Variants in CPLANE1 observed in about 807,000 individuals in gnomAD.
CPLANE1 encodes the protein ciliogenesis and planar polarity effector 1.
In CPLANE1, 263 loss-of-function variants were observed where a neutral mutation model predicts 362.5. That is an observed-to-expected ratio of 0.73 (90% CI 0.66 to 0.80). The LOEUF is 0.80. Among genes scored for constraint, CPLANE1 ranks in the 30% least tolerant of loss-of-function variants. The probability of loss-of-function intolerance (pLI) is 0.00; values close to 1 mark genes in which losing one functional copy is unlikely to be tolerated. For missense variants in CPLANE1, 3,461 were observed against 3,793.4 expected (o/e 0.91, Z 2.30); for synonymous variants, 1,212 against 1,302.6 (o/e 0.93, Z 1.50).
At chr5:37,207,516 T>C (rs1367092039) in intron 16 of CPLANE1, among the ~76,000 whole-genome samples, 1 of 152,198 alleles carries the variant, frequency 6.6e-6, no homozygotes, top group Non-Finnish European at 1.5e-5. Context: ...AGTAAAAAAG[T>C]TCACGACCTT....
chr5:37,163,685 C>T (rs747793519), intron 37 of CPLANE1, among the ~76,000 whole-genome samples: 24 of 152,138 alleles, frequency 1.6e-4, no homozygotes, highest in Non-Finnish European at 2.9e-4. Flanking sequence ...TTATTTCTAA[C>T]GAGCCCCTTT....
intron 51 of CPLANE1, among the ~76,000 whole-genome samples, chr5:37,114,169 T>C (rs1005041143): frequency 1.3e-5 from 2 of 152,184 alleles, no homozygotes; most frequent in African/African-American, 4.8e-5. Flanking sequence ...TTTCTTTCAA[T>C]GGGGATAACT....
At chr5:37,229,166 G>A (rs1262476210) in intron 9 of CPLANE1, among the ~76,000 whole-genome samples, 2 of 143,852 alleles carry the variant, frequency 1.4e-5, no homozygotes, top group African/African-American at 2.6e-5. Context: ...GCAGTAAGCC[G>A]AGATCACACC....
rs1389359037 is a variant in CPLANE1 at position 37,148,271 on chromosome 5, G to A, written c.8374-3C>T. On this transcript the variant is annotated splice_polypyrimidine_tract_variant and splice_region_variant and intron_variant, in intron 42 of 52. Transcript: ENST00000651892. ...TCAATGTGATCCACTGGTCCAATCTGTAGAAAAAACACACACAACAAAACA... is the reference window on the plus strand; with the variant it reads ...TCAATGTGATCCACTGGTCCAATCTATAGAAAAAACACACACAACAAAACA... The A allele has an allele frequency of 1.9e-6, 3 of 1,593,284 alleles. No individual in the cohort carries two copies. The African/African-American group carries it at 4.0e-5, about 21-fold the overall frequency.
rs772157342 is a variant in CPLANE1, at chr5:37,182,751, T to C, written c.5421+9A>G. The C allele has an allele frequency of 7.9e-6, 12 of 1,522,344 alleles. No individual in the cohort carries two copies. The East Asian group carries it at 1.4e-4, about 17-fold the overall frequency. 94.3% of individuals were successfully genotyped at this position (1,522,344 alleles called of 1,614,324 possible). A position where few individuals can be genotyped will look rare whatever the true frequency, so the allele number is the denominator to read the frequency against. ...TCATTTGTAAGTAATAAACAATTGA[T>C]ATGCTTACCTTAATAATGGCATTTT... On this transcript the variant is annotated intron_variant, in intron 26 of 52. Transcript: ENST00000651892.
In CPLANE1 at chr5:37,208,938, A is replaced by G. The variant is rs547865069; in HGVS notation, c.2921-2513T>C. 4.8e-3 allele frequency among the ~76,000 whole-genome samples: 520 copies of G among 108,096 alleles called. 1 individual carries two copies. Among genetic ancestry groups the G allele is most frequent in the Non-Finnish European group, 5.9e-3 (313 of 53,410 alleles). The allele number at this position is 108,096 out of a possible 152,430, so 70.9% of individuals were successfully genotyped here. A position where few individuals can be genotyped will look rare whatever the true frequency, so the allele number is the denominator to read the frequency against. On this transcript the variant is annotated intron_variant, in intron 16 of 52. Coordinates refer to ENST00000651892, the MANE Select transcript of CPLANE1 (RefSeq NM_001384732.1). ...TTAGGATAAATCTGTTTCACAGATG[A>G]AAAAAAAAAAGAAAAGAAAAAAAGA...
chr5:37,152,025 T>C (rs1015216383), intron 42 of CPLANE1, among the ~76,000 whole-genome samples: 1 of 152,256 alleles, frequency 6.6e-6, no homozygotes, highest in Non-Finnish European at 1.5e-5. Context: ...ATGTGTTAAA[T>C]GTTTGGATTA....
chr5:37,157,233 G>T, intron 41 of CPLANE1, 80 bp downstream of exon 41: 1 of 778,186 alleles, frequency 1.3e-6, no homozygotes, highest in Admixed American at 2.4e-5. Context: ...GGTTTCTTTT[G>T]CAATTACCAA....
intron 23 of CPLANE1, among the ~76,000 whole-genome samples, chr5:37,187,078 A>C (rs1784284221): frequency 1.3e-5 from 2 of 149,966 alleles, no homozygotes; most frequent in African/African-American, 4.9e-5. Flanking sequence ...AAAAAAAAAA[A>C]AAAAAAAAAC....
chr5:37,124,481 T>C (rs562152240), intron 47 of CPLANE1, among the ~76,000 whole-genome samples: 1 of 152,196 alleles, frequency 6.6e-6, no homozygotes, highest in African/African-American at 2.4e-5. Flanking sequence ...GATACATGAC[T>C]GGACAATAAT....
the CPLANE1 span, among the ~76,000 whole-genome samples, chr5:37,095,386 C>A: frequency 2.0e-5 from 3 of 152,326 alleles, no homozygotes; most frequent in Admixed American, 2.0e-4. Flanking sequence ...CCCAGCATCA[C>A]TTTTTGATTA....
intron 42 of CPLANE1, among the ~76,000 whole-genome samples, chr5:37,149,218 G>A (rs148955280): frequency 1.1e-4 from 17 of 152,136 alleles, no homozygotes; most frequent in Non-Finnish European, 1.3e-4. Flanking sequence ...GGGTAGTACC[G>A]AACCTTATAT....
In CPLANE1 at chr5:37,206,300, G is replaced by C; in HGVS notation, c.3046C>G (p.Pro1016Ala). ...LELLFIGGLV[P>A]EAVWLAYKLG... The stretch of plus-strand genomic sequence containing the variant: ...TTATATGCCAACCACACAGCCTCTG[G>C]AACCAGGCCACCAATAAATAGTAAT... The change falls in exon 17 of 53, where the codon CCA becomes GCA. Residue 1016 changes from proline to alanine, a missense_variant. By Grantham distance (27) the Pro-to-Ala change is conservative. Transcript: ENST00000651892. The C allele has an allele frequency of 6.4e-7, 1 of 1,551,614 alleles. No individual in the cohort carries two copies. Among genetic ancestry groups the C allele is most frequent in the Non-Finnish European group, 8.7e-7 (1 of 1,146,948 alleles).
chr5:37,226,369 C>T lies in CPLANE1; in HGVS notation c.2226G>A (p.Trp742Ter). Residue 742 changes from tryptophan to a stop codon, truncating the protein, a stop_gained, in exon 12 of 53, where the codon TGG (tryptophan) becomes TGA (stop). Transcript: ENST00000651892. LOFTEE classifies it high-confidence loss of function. ...GAATCTTGAAAAATGAGTTCCAAGA[C>T]CAGTTTTTCTGAAAACCACTATCTT... is the stretch of plus-strand genomic sequence containing the variant. ...MFQDSGFQKN[W>*]SWNSFFKIHP... 1 of 1,548,426 alleles carries T rather than the reference C, an allele frequency of 6.5e-7. No homozygotes were observed. The highest frequency in any genetic ancestry group is 8.7e-7 in the Non-Finnish European group (1 of 1,146,038).
At chr5:37,162,409 ATAACT>A in intron 38 of CPLANE1, 51 bp downstream of exon 38, 2 of 1,078,748 alleles carry the variant, frequency 1.9e-6, no homozygotes, top group Admixed American at 4.0e-5. Context: ...AAAAGTCTAG[ATAACT>A]TAATTGTATC....
downstream of CPLANE1, among the ~76,000 whole-genome samples, chr5:37,103,015 G>A (rs1327521723): frequency 6.6e-6 from 1 of 152,162 alleles, no homozygotes; most frequent in Non-Finnish European, 1.5e-5. Context: ...ATTACTGTGT[G>A]GGAATCTAAG....
In CPLANE1 at chr5:37,180,977, T is replaced by C; in HGVS notation, c.5450A>G (p.Gln1817Arg). ...KMVENRDTGC[Q>R]IGPNIERESK... ...CTCCCTCTCAATATTGGGTCCAATC[T>C]GACACCCAGTGTCACGATTCTCTAC... The change falls in exon 27 of 53, where the codon CAG becomes CGG. Residue 1817 changes from glutamine to arginine, a missense_variant. Physicochemically the swap from Gln to Arg is conservative, Grantham distance 43. Coordinates refer to ENST00000651892, the MANE Select transcript of CPLANE1 (RefSeq NM_001384732.1). The C allele has an allele frequency of 6.2e-7, 1 of 1,614,024 alleles. No individual in the cohort carries two copies.
rs1348128313 is a variant in CPLANE1, at chr5:37,153,143, C to G, written c.8373+597G>C. On this transcript the variant is annotated intron_variant, in intron 42 of 52. Coordinates refer to ENST00000651892, the MANE Select transcript of CPLANE1 (RefSeq NM_001384732.1). ...TACTTCCTTTTTGTATGGGAGGACC[C>G]TAGACAAAGCTTTATTTAGAGCAGA... 3.9e-5 allele frequency among the ~76,000 whole-genome samples: 6 copies of G among 152,084 alleles called. No individual in the cohort carries two copies. In the East Asian group the frequency reaches 9.7e-4, roughly 24 times the overall value.
At position 37,186,272 on chromosome 5, in the gene CPLANE1, A is replaced by C; in HGVS notation, c.4189+14T>G. 1.6e-6 allele frequency: 2 copies of C among 1,251,438 alleles called. No individual in the cohort carries two copies. Among genetic ancestry groups the C allele is most frequent in the Non-Finnish European group, 2.3e-6 (2 of 865,156 alleles). 77.5% of individuals were successfully genotyped at this position (1,251,438 alleles called of 1,614,324 possible). On this transcript the variant is annotated intron_variant, in intron 24 of 52. Coordinates refer to ENST00000651892, the MANE Select transcript of CPLANE1 (RefSeq NM_001384732.1). ...AATTTATCTGTTAGCTATCTGAGAA[A>C]CAACAAATAATACCTTTCACAACAC...
Sources: allele counts gnomAD v4.1 joint callset (sites outside exome capture counted in the v4.1 genomes callset), GRCh38; gene constraint gnomAD v4.1.1; transcripts MANE v1.5; gene names NCBI Gene and HGNC (gene_info 2026-07-23, HGNC 2026-07-21).